Variants in TRDMT1 observed in about 807,000 individuals in gnomAD.
The protein encoded by TRDMT1 is tRNA (cytosine(38)-C(5))-methyltransferase.
A neutral mutation model predicts 51.2 loss-of-function variants in TRDMT1; 49 were observed. That is an observed-to-expected ratio of 0.96 (90% CI 0.76 to 1.21). The LOEUF is 1.21. TRDMT1 is among the 50% of genes most tolerant of loss of function. TRDMT1 has a pLI of 0.00. For synonymous variants in TRDMT1, 187 were observed against 164.6 expected (o/e 1.14, Z -1.04); for missense variants, 534 against 462.3 (o/e 1.16, Z -1.42).
Position 17,137,616 on chromosome 10 carries a change from G to C in TRDMT1, c.*11424C>G, listed in dbSNP as rs532912959. The C allele has an allele frequency of 6.6e-6, 1 of 152,288 alleles. No individual in the cohort carries two copies. The highest frequency in any genetic ancestry group is 1.9e-4 in the East Asian group (1 of 5,162). 9.4% of individuals were successfully genotyped at this position (152,288 alleles called of 1,614,324 possible). A position where few individuals can be genotyped will look rare whatever the true frequency, so the allele number is the denominator to read the frequency against. ...GGAGGCCAAGGCGGGCTGATCATTT[G>C]AGGTCAGGAATTTGAGACCAGCCAA... On this transcript the variant is annotated 3_prime_UTR_variant, in exon 11 of 11. Transcript: ENST00000377799.
chr10:17,172,889 A>G (rs1360644862), intron 2 of TRDMT1, among the ~76,000 whole-genome samples: 2 of 152,206 alleles, frequency 1.3e-5, no homozygotes, highest in Non-Finnish European at 2.9e-5. Flanking sequence ...ATTTAAACAT[A>G]AAGTGGTATA....
At position 17,175,642 on chromosome 10, in the gene TRDMT1, G is replaced by A. The variant is rs1341385076; in HGVS notation, c.65-982C>T. Among the ~76,000 whole-genome samples the A allele has an allele frequency of 2.0e-5, 3 of 149,916 alleles. No individual in the cohort carries two copies. In the Admixed American group the frequency reaches 2.0e-4, roughly 10 times the overall value. On this transcript the variant is annotated intron_variant, in intron 1 of 10. Coordinates refer to ENST00000377799, the MANE Select transcript of TRDMT1 (RefSeq NM_004412.7). ...AATACCATTAGTTGATTAATAGTTAGCTGATTAGCTTACCCCAAATATCAA... is the reference window on the plus strand; with the variant it reads ...AATACCATTAGTTGATTAATAGTTAACTGATTAGCTTACCCCAAATATCAA...
chr10:17,158,981 G>A (rs750905304), intron 7 of TRDMT1, among the ~76,000 whole-genome samples, 165 bp downstream of exon 7: 3 of 152,044 alleles, frequency 2.0e-5, no homozygotes, highest in Non-Finnish European at 4.4e-5. Flanking sequence ...AAAGTGGCAA[G>A]ATGAAAACAG....
In TRDMT1 at chr10:17,153,623, T is replaced by A; in HGVS notation, c.959A>T (p.Tyr320Phe). The change falls in exon 10 of 11, where the codon TAC becomes TTC. Residue 320 changes from tyrosine (Y) to phenylalanine (F), a missense_variant. Physicochemically the swap from Tyr to Phe is conservative, Grantham distance 22 (BLOSUM62 3). Coordinates refer to ENST00000377799, the MANE Select transcript of TRDMT1 (RefSeq NM_004412.7). ...TTGTGACAAATTGGTAAGGGATTTG[T>A]AGATATTCTCAACCTGTAAGAAAAT... ...TAEDVQVENI[Y>F]KSLTNLSQEE... 1.3e-6 allele frequency: 2 copies of A among 1,588,838 alleles called. No individual in the cohort carries two copies. Among genetic ancestry groups the A allele is most frequent in the Non-Finnish European group, 1.7e-6 (2 of 1,168,198 alleles).
intron 2 of TRDMT1, among the ~76,000 whole-genome samples, chr10:17,174,266 G>T (rs143525234): frequency 6.6e-6 from 1 of 152,054 alleles, no homozygotes; most frequent in African/African-American, 2.4e-5. Context: ...CTTTTTCGAA[G>T]TTCAATATCA....
intron 1 of TRDMT1, 35 bp downstream of exon 1, chr10:17,201,536 G>A: frequency 1.3e-6 from 2 of 1,540,466 alleles, no homozygotes; most frequent in Non-Finnish European, 1.8e-6. Context: ...GCCCCCGTGA[G>A]CGAATAGAGA....
chr10:17,182,998 T>G (rs1843460526), intron 1 of TRDMT1, among the ~76,000 whole-genome samples: 1 of 147,052 alleles, frequency 6.8e-6, no homozygotes, highest in Non-Finnish European at 1.6e-5. Context: ...GAAAATGTGC[T>G]GTCCTTCATG....
Position 17,143,539 on chromosome 10 carries a change from G to A in TRDMT1, c.*5501C>T. ...TGGACTTGTGTAAGGAACCAGCTAA[G>A]TGAGTAAAATAGCAAATATTTTAGT... On this transcript the variant is annotated 3_prime_UTR_variant, in exon 11 of 11. Coordinates refer to ENST00000377799, the MANE Select transcript of TRDMT1 (RefSeq NM_004412.7). 1 of 985,374 alleles carries A rather than the reference G, an allele frequency of 1.0e-6. No individual in the cohort carries two copies. The highest frequency in any genetic ancestry group is 1.2e-6 in the Non-Finnish European group (1 of 829,894). 61.0% of individuals were successfully genotyped at this position (985,374 alleles called of 1,614,324 possible).
intron 10 of TRDMT1, among the ~76,000 whole-genome samples, chr10:17,149,746 T>C (rs1838448591): frequency 6.6e-6 from 1 of 152,300 alleles, no homozygotes; most frequent in East Asian, 1.9e-4. Flanking sequence ...ATGTTGTCTT[T>C]TGTGTCTGGT....
chr10:17,152,093 T>A, intron 10 of TRDMT1: 1 of 1,299,556 alleles, frequency 7.7e-7, no homozygotes, highest in Non-Finnish European at 1.0e-6. Context: ...TATGTCTGAT[T>A]GCTCATCTGA....
Position 17,162,247 on chromosome 10 carries a change from T to TAAAA in TRDMT1, c.252-14_252-11dup. The TAAAA allele has an allele frequency of 5.9e-6, 8 of 1,352,296 alleles. No homozygotes were observed. The highest frequency in any genetic ancestry group is 2.8e-5 in the South Asian group (2 of 70,428). The allele number at this position is 1,352,296 out of a possible 1,614,324, so 83.8% of individuals were successfully genotyped here. ...ACCCTGCCGGCCAATCCTAAAGGGG[T>TAAAA]AAAAAAAAAAAAAAACAAAAAAAAA... On this transcript the variant is annotated splice_polypyrimidine_tract_variant and intron_variant, in intron 3 of 10. Coordinates refer to ENST00000377799, the MANE Select transcript of TRDMT1 (RefSeq NM_004412.7).
rs1837480780 is a variant in TRDMT1 at position 17,138,294 on chromosome 10, C to A, written c.*10746G>T. Among the ~76,000 whole-genome samples the A allele has an allele frequency of 6.6e-6, 1 of 152,106 alleles. No homozygotes were observed. Among genetic ancestry groups the A allele is most frequent in the African/African-American group, 2.4e-5 (1 of 41,416 alleles). On this transcript the variant is annotated 3_prime_UTR_variant, in exon 11 of 11. Transcript: ENST00000377799. ...ATTTGTGAATATAACGATCTTTTAA[C>A]CTTCATGACACTTAATTCATTCTCT...
Position 17,138,671 on chromosome 10 carries a change from C to T in TRDMT1, c.*10369G>A, listed in dbSNP as rs2131341824. Among the ~76,000 whole-genome samples, 1 of 152,078 alleles carries T rather than the reference C, an allele frequency of 6.6e-6. No individual in the cohort carries two copies. On this transcript the variant is annotated 3_prime_UTR_variant, in exon 11 of 11. Transcript: ENST00000377799. Reference sequence around the variant, plus strand: ...GAATGAAAAAGAATTATGAGTTAATCATTAACATTTAAATTGCTGAGGTTT... The same window carrying T: ...GAATGAAAAAGAATTATGAGTTAATTATTAACATTTAAATTGCTGAGGTTT...
At chr10:17,176,424 G>A (rs1452440543) in intron 1 of TRDMT1, among the ~76,000 whole-genome samples, 1 of 151,982 alleles carries the variant, frequency 6.6e-6, no homozygotes, top group Non-Finnish European at 1.5e-5. Context: ...TATGCCTGGA[G>A]GTCATAAAAA....
At position 17,144,055 on chromosome 10, in the gene TRDMT1, G is replaced by C. The variant is rs1837899070; in HGVS notation, c.*4985C>G. ...CATCGGCAAAATGGCTGAAGTTGTA[G>C]GAAAGGGTGAGAATCTCTAAGAAAA... On this transcript the variant is annotated 3_prime_UTR_variant, in exon 11 of 11. Transcript: ENST00000377799. 1.0e-6 allele frequency: 1 copy of C among 985,304 alleles called. No individual in the cohort carries two copies. Among genetic ancestry groups the C allele is most frequent in the Non-Finnish European group, 1.2e-6 (1 of 829,950 alleles). The allele number at this position is 985,304 out of a possible 1,614,324, so 61.0% of individuals were successfully genotyped here.
chr10:17,192,766 G>A (rs7092936), intron 1 of TRDMT1, among the ~76,000 whole-genome samples: 20,878 of 152,180 alleles, frequency 0.14, 1,528 homozygotes, highest in Admixed American at 0.17. Context: ...GTTTCTAAAC[G>A]TATTTGAACA....
chr10:17,201,647 G>C lies in TRDMT1; in HGVS notation c.-13C>G, dbSNP rs1227028319. 6.5e-7 allele frequency: 1 copy of C among 1,539,256 alleles called. No individual in the cohort carries two copies. Among genetic ancestry groups the C allele is most frequent in the East Asian group, 2.5e-5 (1 of 40,302 alleles). On this transcript the variant is annotated 5_prime_UTR_variant, in exon 1 of 11. Coordinates refer to ENST00000377799, the MANE Select transcript of TRDMT1 (RefSeq NM_004412.7). Reference sequence around the variant, plus strand: ...GCAGGGGCTCCATCCCCGCGCCTCAGCCGCCGCAGCCCCGGAGCTAGGCCT... The same window carrying C: ...GCAGGGGCTCCATCCCCGCGCCTCACCCGCCGCAGCCCCGGAGCTAGGCCT...
intron 1 of TRDMT1, among the ~76,000 whole-genome samples, chr10:17,180,142 T>A (rs1284062120): frequency 1.3e-5 from 2 of 152,206 alleles, no homozygotes; most frequent in Non-Finnish European, 2.9e-5. Flanking sequence ...AGAGAAATGC[T>A]CTTTTATGGC....
intron 3 of TRDMT1, among the ~76,000 whole-genome samples, chr10:17,165,102 C>T (rs1293501888): frequency 4.6e-5 from 7 of 152,174 alleles, no homozygotes; most frequent in Non-Finnish European, 8.8e-5. Flanking sequence ...AGGCATCACG[C>T]TACCTGACTT....
Sources: allele counts gnomAD v4.1 joint callset (sites outside exome capture counted in the v4.1 genomes callset), GRCh38; gene constraint gnomAD v4.1.1; transcripts MANE v1.5; gene names NCBI Gene and HGNC (gene_info 2026-07-23, HGNC 2026-07-21).